AKAP1: variants seen among roughly 807,000 people sequenced by gnomAD.
AKAP1 encodes the protein A-kinase anchoring protein 1, also known as A-kinase anchor protein 1, mitochondrial.
Under a neutral mutation model 79.8 loss-of-function variants are expected in AKAP1, and 32 were observed. The observed-to-expected ratio is 0.40, with a 90% CI of 0.30 to 0.54. AKAP1 has a LOEUF of 0.54. AKAP1 is among the 20% of genes least tolerant of loss of function. The pLI, the probability that AKAP1 is intolerant of heterozygous loss-of-function variation, is 0.47. For synonymous variants in AKAP1, 416 were observed against 466.7 expected, an observed-to-expected ratio of 0.89 and a Z score of 1.40; for missense variants, 961 against 1,138.9, an observed-to-expected ratio of 0.84 and a Z score of 2.25.
chr17:57,104,386 G>A (rs1203726310), intron 1 of AKAP1, among the ~76,000 whole-genome samples: 1 of 152,142 alleles, frequency 6.6e-6, no homozygotes, highest in Non-Finnish European at 1.5e-5. Flanking sequence ...TACGCAGTGG[G>A]GCCCTAGGAC....
chr17:57,119,784 TG>T (rs1265153753), intron 10 of AKAP1, among the ~76,000 whole-genome samples: 1 of 148,012 alleles, frequency 6.8e-6, no homozygotes, highest in East Asian at 2.0e-4. Flanking sequence ...CTTAAATAAA[TG>T]TTCCTGTTGG....
intron 8 of AKAP1, 37 bp from the exon 9 acceptor site, chr17:57,118,340 CAGTG>C (rs747254424): frequency 8.8e-6 from 14 of 1,597,092 alleles, no homozygotes; most frequent in Non-Finnish European, 1.1e-5. Context: ...TGCCTTGCCT[CAGTG>C]AGAGCCTAAA....
intron 5 of AKAP1, 96 bp from the exon 6 acceptor site, chr17:57,114,363 A>T: frequency 1.4e-6 from 2 of 1,462,152 alleles, no homozygotes; most frequent in Non-Finnish European, 1.9e-6. Context: ...TTTCAAAGAT[A>T]TGCTAGCCCA....
In AKAP1 at chr17:57,110,543, T is replaced by C. The variant is rs116576252; in HGVS notation, c.1848+385T>C. ...CAAGTGCTCCAAGTGTATTTTATAA[T>C]TGAGCAAAGCATAAATCCATATTTT... On this transcript the variant is annotated intron_variant, in intron 3 of 10. Transcript: ENST00000337714. Among the ~76,000 whole-genome samples, 225 of 152,310 alleles carry C rather than the reference T, an allele frequency of 1.5e-3. 1 individual carries two copies. The highest frequency in any genetic ancestry group is 5.2e-3 in the African/African-American group (215 of 41,574).
rs1417911145 is a variant in AKAP1, at chr17:57,116,279, A to G, written c.2432+18A>G. 6.2e-7 allele frequency: 1 copy of G among 1,613,754 alleles called. No homozygotes were observed. The highest frequency in any genetic ancestry group is 8.5e-7 in the Non-Finnish European group (1 of 1,179,876). ...CAAATCAGGTGAGCGGAGATGCCTC[A>G]GGCAGGCCTACGCCCTGCTTGTTCT... On this transcript the variant is annotated intron_variant, in intron 7 of 10. Coordinates refer to ENST00000337714, the MANE Select transcript of AKAP1 (RefSeq NM_003488.4).
chr17:57,120,482 G>GA lies in AKAP1; in HGVS notation c.*164dup. The GA allele has an allele frequency of 3.5e-6, 2 of 576,552 alleles. No homozygotes were observed. Among genetic ancestry groups the GA allele is most frequent in the Non-Finnish European group, 5.8e-6 (2 of 342,082 alleles). The allele number at this position is 576,552 out of a possible 1,614,324, so 35.7% of individuals were successfully genotyped here. The stretch of plus-strand genomic sequence containing the variant: ...TATTGAGAAGACATTTCGTCTCTGA[G>GA]AAAAAAGGATGGAACTATGGGTTCT... On this transcript the variant is annotated 3_prime_UTR_variant, in exon 11 of 11. Coordinates refer to ENST00000337714, the MANE Select transcript of AKAP1 (RefSeq NM_003488.4).
In AKAP1 at chr17:57,106,128, C is replaced by T. The variant is rs370821645; in HGVS notation, c.664C>T (p.Arg222Trp). 4.5e-5 allele frequency: 73 copies of T among 1,607,974 alleles called. No homozygotes were observed. The African/African-American group carries it at 5.7e-4, about 13-fold the overall frequency. Reference sequence around the variant, plus strand: ...GGTGCTTGAAGAAGCTCTGTTGTCTCGGGAGCATGTCTTGGAATTGGAGAA... The same window carrying T: ...GGTGCTTGAAGAAGCTCTGTTGTCTTGGGAGCATGTCTTGGAATTGGAGAA... ...EKVLEEALLS[R>W]EHVLELENSK... Residue 222 changes from arginine to tryptophan, a missense_variant, in exon 2 of 11, where the codon CGG (arginine) becomes TGG (tryptophan). This residue lies in a region of AKAP1 where 224 missense variants were observed against 210.2 expected (regional missense o/e 1.07). Coordinates refer to ENST00000337714, the MANE Select transcript of AKAP1 (RefSeq NM_003488.4).
chr17:57,086,940 G>A lies in AKAP1; in HGVS notation c.-25+1542G>A, dbSNP rs1486207350. Among the ~76,000 whole-genome samples the A allele has an allele frequency of 6.6e-6, 1 of 152,132 alleles. No homozygotes were observed. The highest frequency in any genetic ancestry group is 2.4e-5 in the African/African-American group (1 of 41,422). On this transcript the variant is annotated intron_variant, in intron 1 of 10. Coordinates refer to ENST00000337714, the MANE Select transcript of AKAP1 (RefSeq NM_003488.4). This position sits in a 1 kb window ranked among gnomAD's most constrained non-coding sequence, Gnocchi z 5.1. Reference sequence around the variant, plus strand: ...CATTTATATAATTCCTCTGATCTTGGCATTGAAGTGGTTCACCTGCTGATT... The same window carrying A: ...CATTTATATAATTCCTCTGATCTTGACATTGAAGTGGTTCACCTGCTGATT...
intron 1 of AKAP1, among the ~76,000 whole-genome samples, chr17:57,099,001 G>A (rs1196191485): frequency 6.6e-6 from 1 of 151,366 alleles, no homozygotes; most frequent in African/African-American, 2.4e-5. Context: ...ATCTGATCTC[G>A]TGATCTGCCC....
At position 57,106,017 on chromosome 17, in the gene AKAP1, G is replaced by C; in HGVS notation, c.553G>C (p.Val185Leu). 1 of 1,613,766 alleles carries C rather than the reference G, an allele frequency of 6.2e-7. No individual in the cohort carries two copies. Among genetic ancestry groups the C allele is most frequent in the South Asian group, 1.1e-5 (1 of 91,068 alleles). ...PRKVQPGYPV[V>L]PAEKRSSGER... Reference sequence around the variant, plus strand: ...GAAGGTCCAGCCAGGCTACCCCGTAGTCCCCGCAGAGAAGCGTAGCTCTGG... The same window carrying C: ...GAAGGTCCAGCCAGGCTACCCCGTACTCCCCGCAGAGAAGCGTAGCTCTGG... The change falls in exon 2 of 11, where the codon GTC (valine) becomes CTC (leucine). Residue 185 changes from valine (V) to leucine (L), a missense_variant. Val to Leu is a conservative substitution (Grantham distance 32, BLOSUM62 1). This residue lies in a region of AKAP1 where 224 missense variants were observed against 210.2 expected (regional missense o/e 1.07). Transcript: ENST00000337714.
At position 57,107,793 on chromosome 17, in the gene AKAP1, C is replaced by A. The variant is rs1914988360; in HGVS notation, c.1714+615C>A. ...ATTTCCTTTTAATCATGTGCTTGTT[C>A]CCATGTCTTCACCTGCTTTCCTTCT... is the stretch of plus-strand genomic sequence containing the variant. On this transcript the variant is annotated intron_variant, in intron 2 of 10. Transcript: ENST00000337714. 7.2e-5 allele frequency among the ~76,000 whole-genome samples: 11 copies of A among 152,188 alleles called. No homozygotes were observed. The South Asian group carries it at 2.3e-3, about 32-fold the overall frequency.
At chr17:57,090,515 T>C (rs1913724332) in intron 1 of AKAP1, among the ~76,000 whole-genome samples, 1 of 150,096 alleles carries the variant, frequency 6.7e-6, no homozygotes, top group African/African-American at 2.4e-5. Context: ...TCATTGGTTG[T>C]TGCTTATTTA....
chr17:57,103,828 C>T (rs1914674917), intron 1 of AKAP1, among the ~76,000 whole-genome samples: 1 of 152,136 alleles, frequency 6.6e-6, no homozygotes, highest in Admixed American at 6.5e-5. Flanking sequence ...TCAGCTAATC[C>T]TTATACCAAC....
chr17:57,120,458 A>T lies in AKAP1; in HGVS notation c.*134A>T. ...CTTTCTTTCTCCATACTGTAGTCCT[A>T]TTGAGAAGACATTTCGTCTCTGAGA... is the stretch of plus-strand genomic sequence containing the variant. On this transcript the variant is annotated 3_prime_UTR_variant, in exon 11 of 11. Transcript: ENST00000337714. 1 of 690,518 alleles carries T rather than the reference A, an allele frequency of 1.4e-6. No homozygotes were observed. 42.8% of individuals were successfully genotyped at this position (690,518 alleles called of 1,614,324 possible).
chr17:57,119,297 C>T (rs761850786), intron 10 of AKAP1, among the ~76,000 whole-genome samples: 3 of 152,106 alleles, frequency 2.0e-5, no homozygotes, highest in Admixed American at 6.5e-5. Context: ...ATTATCCAAC[C>T]GCAAATGTCA....
chr17:57,105,859 A>G lies in AKAP1; in HGVS notation c.395A>G (p.Glu132Gly). The G allele has an allele frequency of 6.2e-7, 1 of 1,614,240 alleles. No individual in the cohort carries two copies. Among genetic ancestry groups the G allele is most frequent in the Non-Finnish European group, 8.5e-7 (1 of 1,180,038 alleles). The change falls in exon 2 of 11, where the codon GAG becomes GGG. Residue 132 changes from glutamate (E) to glycine (G), a missense_variant. Coordinates refer to ENST00000337714, the MANE Select transcript of AKAP1 (RefSeq NM_003488.4). ...CGCAGAGATGACAGTACAAAGCTGG[A>G]GCTAGCCCTGACAGGTGGTGAAGCC... is the stretch of plus-strand genomic sequence containing the variant. Reference protein sequence around the residue: ...GTRRDDSTKLELALTGGEAKS... With the variant: ...GTRRDDSTKLGLALTGGEAKS...
rs1470804232 is a variant in AKAP1 at position 57,120,433 on chromosome 17, CTT to C, written c.*111_*112del. On this transcript the variant is annotated 3_prime_UTR_variant, in exon 11 of 11. Transcript: ENST00000337714. ...CAAACATTGTCCTCTCCAGAAAGTCCTTTCTTTCTCCATACTGTAGTCCTATT... is the reference window on the plus strand; with the variant it reads ...CAAACATTGTCCTCTCCAGAAAGTCCTCTTTCTCCATACTGTAGTCCTATT... 7 of 968,602 alleles carry C rather than the reference CTT, an allele frequency of 7.2e-6. No homozygotes were observed. Among genetic ancestry groups the C allele is most frequent in the Non-Finnish European group, 1.1e-5 (7 of 640,904 alleles). The allele number at this position is 968,602 out of a possible 1,614,324, so 60.0% of individuals were successfully genotyped here. A position where few individuals can be genotyped will look rare whatever the true frequency, so the allele number is the denominator to read the frequency against.
At chr17:57,114,664 G>C (rs1485478697) in intron 6 of AKAP1, 28 bp downstream of exon 6, 2 of 1,598,082 alleles carry the variant, frequency 1.3e-6, no homozygotes, top group African/African-American at 2.7e-5. Context: ...GGGTCGGGAA[G>C]GGGGACCCCT....
At chr17:57,107,330 C>A in intron 2 of AKAP1, 152 bp downstream of exon 2, 1 of 1,103,012 alleles carries the variant, frequency 9.1e-7, no homozygotes, top group Non-Finnish European at 1.3e-6. Context: ...CTGGACACGG[C>A]GTAGAGCTGG....
Sources: allele counts gnomAD v4.1 joint callset (sites outside exome capture counted in the v4.1 genomes callset), GRCh38; gene constraint gnomAD v4.1.1; regional missense constraint gnomAD v4.1.1; non-coding constraint Gnocchi (gnomAD v3.1); transcripts MANE v1.5; gene names NCBI Gene and HGNC (gene_info 2026-07-23, HGNC 2026-07-21).